Variants in TP53BP1 observed in about 807,000 individuals in gnomAD.
TP53BP1 encodes the protein TP53-binding protein 1.
TP53BP1 carries 61 observed loss-of-function variants against 200.8 expected under a neutral mutation model. The ratio of observed to expected loss-of-function variants is 0.30; its 90% CI spans 0.25 to 0.38. TP53BP1 has a LOEUF of 0.38. Among genes scored for constraint, TP53BP1 ranks in the 10% least tolerant of loss-of-function variants. TP53BP1 has a pLI of 1.00. For synonymous variants in TP53BP1, 822 were observed against 844.3 expected, an observed-to-expected ratio of 0.97 and a Z score of 0.46; for missense variants, 2,144 against 2,371.9, an observed-to-expected ratio of 0.90 and a Z score of 2.00.
intron 19 of TP53BP1, 126 bp from the exon 20 acceptor site, chr15:43,421,300 C>T: frequency 1.0e-6 from 1 of 955,498 alleles, no homozygotes; most frequent in Non-Finnish European, 1.6e-6. Flanking sequence ...CAGCAGGAAG[C>T]TGGTTCACAC....
chr15:43,482,203 T>A (rs2078981607), intron 4 of TP53BP1, among the ~76,000 whole-genome samples: 1 of 151,348 alleles, frequency 6.6e-6, no homozygotes, highest in Non-Finnish European at 1.5e-5. Context: ...CACTCCAGCC[T>A]GGGCGACAGA....
At position 43,407,595 on chromosome 15, in the gene TP53BP1, G is replaced by A. The variant is rs942836114; in HGVS notation, c.5747-25C>T. The A allele has an allele frequency of 3.1e-6, 5 of 1,595,806 alleles. No homozygotes were observed. In the South Asian group the frequency reaches 3.4e-5, roughly 11 times the overall value. The stretch of plus-strand genomic sequence containing the variant: ...TCTGCAAGGAGCAAGGGAAAGTGAA[G>A]AAGGAAAGGACACTCAACTTAGCCC... On this transcript the variant is annotated intron_variant, in intron 27 of 27. Transcript: ENST00000382044.
rs147306234 is a variant in TP53BP1, at chr15:43,413,899, A to C, written c.5090-565T>G. On this transcript the variant is annotated intron_variant, in intron 23 of 27. Transcript: ENST00000382044. ...ATGGTGCAGAGAATACTTGGTAATA[A>C]AGTGTTTTTACACATAGATGGTGCC... The C allele has an allele frequency of 4.5e-3, 1,457 of 326,334 alleles. 5 individuals carry two copies. Among genetic ancestry groups the C allele is most frequent in the Non-Finnish European group, 7.0e-3 (1,121 of 160,568 alleles). The allele number at this position is 326,334 out of a possible 1,614,324, so 20.2% of individuals were successfully genotyped here. A position where few individuals can be genotyped will look rare whatever the true frequency, so the allele number is the denominator to read the frequency against.
At chr15:43,471,798 A>C (rs2046732236) in intron 10 of TP53BP1, among the ~76,000 whole-genome samples, 1 of 152,184 alleles carries the variant, frequency 6.6e-6, no homozygotes, top group Non-Finnish European at 1.5e-5. Context: ...AAGATAAAAG[A>C]AACTGTTTTA....
rs538593854 is a variant in TP53BP1 at position 43,432,768 on chromosome 15, C to G, written c.3192-91G>C. 2.2e-6 allele frequency: 3 copies of G among 1,373,878 alleles called. No homozygotes were observed. In the East Asian group the frequency reaches 7.0e-5, roughly 32 times the overall value. 85.1% of individuals were successfully genotyped at this position (1,373,878 alleles called of 1,614,324 possible). On this transcript the variant is annotated intron_variant, in intron 16 of 27. Coordinates refer to ENST00000382044, the MANE Select transcript of TP53BP1 (RefSeq NM_001141980.3). ...GCGTGTGCATGTGTGTGTGTAGTGG[C>G]AAGGGGGGAGCCATATTTTGACAAT...
chr15:43,422,035 A>T lies in TP53BP1; in HGVS notation c.3920T>A (p.Ile1307Asn). Residue 1307 changes from isoleucine (I) to asparagine (N), a missense_variant, in exon 19 of 28, where the codon ATC (isoleucine) becomes AAC (asparagine). Ile to Asn is a moderately radical substitution (Grantham distance 149). Transcript: ENST00000382044. Reference protein sequence around the residue: ...TGGSSGDLGDISSFSSKASSL... With the variant: ...TGGSSGDLGDNSSFSSKASSL... ...GGATGCCTTGGAGGAGAAGGAGCTG[A>T]TATCCCCCAGGTCACCTGAGGAGCC... 1 of 1,614,176 alleles carries T rather than the reference A, an allele frequency of 6.2e-7. No individual in the cohort carries two copies. The highest frequency in any genetic ancestry group is 8.5e-7 in the Non-Finnish European group (1 of 1,180,028).
chr15:43,416,852 A>G (rs1025053351), intron 21 of TP53BP1: 1 of 154,390 alleles, frequency 6.5e-6, no homozygotes, highest in Non-Finnish European at 1.4e-5. Flanking sequence ...GAGAGACAGC[A>G]TGTGTGTGTT....
At position 43,407,559 on chromosome 15, in the gene TP53BP1, C is replaced by A; in HGVS notation, c.5758G>T (p.Gly1920Trp). The part of the protein sequence containing the change: ...SSAHNKDIAL[G>W]VFDVVVTDPS... The stretch of plus-strand genomic sequence containing the variant: ...TCCGTCACCACCACATCAAATACCC[C>A]TAAAGCAATATCTGCAAGGAGCAAG... The change falls in exon 28 of 28, where the codon GGG becomes TGG. Residue 1920 changes from glycine (G) to tryptophan (W), a missense_variant. Coordinates refer to ENST00000382044, the MANE Select transcript of TP53BP1 (RefSeq NM_001141980.3). 1 of 1,611,816 alleles carries A rather than the reference C, an allele frequency of 6.2e-7. No homozygotes were observed. Among genetic ancestry groups the A allele is most frequent in the Non-Finnish European group, 8.5e-7 (1 of 1,178,392 alleles).
intron 21 of TP53BP1, among the ~76,000 whole-genome samples, chr15:43,418,275 A>G (rs1345501515): frequency 2.6e-5 from 4 of 151,702 alleles, no homozygotes; most frequent in Non-Finnish European, 5.9e-5. Flanking sequence ...AGGCAGGCAG[A>G]TAAGTTGAGG....
At chr15:43,509,984 G>GT (rs1329995822) in intron 1 of TP53BP1, among the ~76,000 whole-genome samples, 1 of 152,142 alleles carries the variant, frequency 6.6e-6, no homozygotes, top group East Asian at 1.9e-4. Flanking sequence ...GGAGTGTGGA[G>GT]TAGGTGGAGA....
chr15:43,426,744 G>A (rs1251424717), intron 18 of TP53BP1, among the ~76,000 whole-genome samples: 1 of 151,872 alleles, frequency 6.6e-6, no homozygotes, highest in African/African-American at 2.4e-5. Flanking sequence ...CGGGCGCGGT[G>A]GCTCACACCT....
chr15:43,474,121 T>G (rs1241429617), intron 10 of TP53BP1, among the ~76,000 whole-genome samples: 1 of 152,020 alleles, frequency 6.6e-6, no homozygotes, highest in Admixed American at 6.6e-5. Flanking sequence ...CTGGCCCGGG[T>G]GCTAAGCCCC....
intron 4 of TP53BP1, among the ~76,000 whole-genome samples, chr15:43,485,658 C>A (rs1326252965): frequency 2.7e-5 from 4 of 147,048 alleles, no homozygotes; most frequent in Non-Finnish European, 5.9e-5. Flanking sequence ...GCCTGGCCAA[C>A]AAGGTGAAAC....
intron 24 of TP53BP1, among the ~76,000 whole-genome samples, chr15:43,410,555 TAA>T (rs553092789): frequency 2.8e-5 from 4 of 142,728 alleles, no homozygotes; most frequent in African/African-American, 5.1e-5. Flanking sequence ...AATAACACAT[TAA>T]AAAAAAAAAG....
chr15:43,410,186 A>C (rs889143289), intron 24 of TP53BP1, among the ~76,000 whole-genome samples: 1 of 152,242 alleles, frequency 6.6e-6, no homozygotes. Flanking sequence ...TGAACACTTT[A>C]TAAGTTATAT....
rs1348364911 is a variant in TP53BP1 at position 43,479,518 on chromosome 15, G to T, written c.667C>A (p.His223Asn). ...SDVDANTAIK[H>N]EEQSNEDIPI... is the part of the protein sequence containing the mutation. ...ATATCTTCGTTGGACTGTTCTTCAT[G>T]CTTAATTGCTGAGAGTTTTATAAAA... Residue 223 changes from histidine to asparagine, a missense_variant, in exon 7 of 28, where the codon CAT becomes AAT. Around this residue, in one of 4 missense-constraint regions of TP53BP1, gnomAD observed 1,700 missense variants for 1,710.3 expected, o/e 0.99. Transcript: ENST00000382044. 1.2e-6 allele frequency: 2 copies of T among 1,607,480 alleles called. No individual in the cohort carries two copies. The highest frequency in any genetic ancestry group is 3.4e-5 in the Admixed American group (2 of 58,120).
At chr15:43,419,252 A>G (rs1476092028) in intron 21 of TP53BP1, among the ~76,000 whole-genome samples, 2 of 152,164 alleles carry the variant, frequency 1.3e-5, no homozygotes, top group Non-Finnish European at 2.9e-5. Context: ...GGCAAATACA[A>G]CCTTAACCAG....
chr15:43,432,404 A>G lies in TP53BP1; in HGVS notation c.3465T>C (p.Asn1155=). 6.2e-7 allele frequency: 1 copy of G among 1,614,134 alleles called. No homozygotes were observed. Among genetic ancestry groups the G allele is most frequent in the African/African-American group, 1.3e-5 (1 of 75,032 alleles). ...SKALIERPSQ[N]NIGIQTMECS... ...ACTCCATGGTTTGGATTCCTATGTT[A>G]TTTTGGCTGGGCCTTTCAATCAAGG... The change falls in exon 17 of 28, where the codon AAT becomes AAC. Residue 1155 remains asparagine (N), a synonymous_variant. Transcript: ENST00000382044.
At chr15:43,438,280 G>A in intron 16 of TP53BP1, 44 bp downstream of exon 16, 4 of 1,558,536 alleles carry the variant, frequency 2.6e-6, no homozygotes, top group Non-Finnish European at 3.5e-6. Flanking sequence ...TAACCATTTT[G>A]TGAACCAATG....
Sources: allele counts gnomAD v4.1 joint callset (sites outside exome capture counted in the v4.1 genomes callset), GRCh38; gene constraint gnomAD v4.1.1; regional missense constraint gnomAD v4.1.1; transcripts MANE v1.5; gene names NCBI Gene and HGNC (gene_info 2026-07-23, HGNC 2026-07-21).